TIPRL: variants seen among roughly 807,000 people sequenced by gnomAD.
TIPRL encodes TIP41-like protein.
TIPRL carries 10 observed loss-of-function variants against 32.3 expected under a neutral mutation model. The ratio of observed to expected loss-of-function variants is 0.31; its 90% CI spans 0.19 to 0.52. TIPRL has a LOEUF of 0.52. Among genes scored for constraint, TIPRL ranks in the 20% least tolerant of loss-of-function variants. TIPRL has a pLI of 0.96. For missense variants in TIPRL, 250 were observed against 328.1 expected (o/e 0.76, Z 1.84); for synonymous variants, 100 against 114.0 (o/e 0.88, Z 0.78).
chr1:168,193,956 C>T (rs975114215), intron 4 of TIPRL, among the ~76,000 whole-genome samples: 10 of 152,004 alleles, frequency 6.6e-5, no homozygotes, highest in Non-Finnish European at 1.0e-4. Context: ...ATTGAGTCAC[C>T]GTAAATGTGA....
At chr1:168,191,977 G>C (rs12074510) in intron 4 of TIPRL, among the ~76,000 whole-genome samples, 5,184 of 151,032 alleles carry the variant, frequency 0.034, 294 homozygotes, top group African/African-American at 0.12. Flanking sequence ...CAAAATATTT[G>C]TGTATTCTTA....
At position 168,184,887 on chromosome 1, in the gene TIPRL, T is replaced by C. The variant is rs1572430526; in HGVS notation, c.384+9T>C. ...AATCTCTTAAGTTAAAGGTAAATCT[T>C]ACTTTTTTCTTTCATGAGTCATTGA... On this transcript the variant is annotated intron_variant, in intron 3 of 6. Coordinates refer to ENST00000367833, the MANE Select transcript of TIPRL (RefSeq NM_152902.5). 9 of 1,554,750 alleles carry C rather than the reference T, an allele frequency of 5.8e-6. No homozygotes were observed. The highest frequency in any genetic ancestry group is 2.7e-5 in the African/African-American group (2 of 73,550).
Position 168,179,194 on chromosome 1 carries a change from G to T in TIPRL, c.104+13G>T. 6.2e-7 allele frequency: 1 copy of T among 1,613,210 alleles called. No individual in the cohort carries two copies. On this transcript the variant is annotated intron_variant, in intron 1 of 6. Transcript: ENST00000367833. ...CGGATGTGGAGAAGTGAGGCTTCGG[G>T]GCACGGGGTCTGGGCGCTGGCCGGT...
At chr1:168,179,686 G>A (rs2102303336) in intron 1 of TIPRL, among the ~76,000 whole-genome samples, 1 of 151,564 alleles carries the variant, frequency 6.6e-6, no homozygotes, top group Middle Eastern at 3.4e-3. Context: ...TATACACGGA[G>A]TGATGTGAGG....
intron 1 of TIPRL, among the ~76,000 whole-genome samples, chr1:168,182,266 C>G (rs1400689422): frequency 2.6e-5 from 4 of 152,092 alleles, no homozygotes; most frequent in South Asian, 2.1e-4. Flanking sequence ...ACAGGAGCTT[C>G]CTGTCTTCTC....
chr1:168,196,984 G>T (rs531566738), intron 5 of TIPRL, among the ~76,000 whole-genome samples: 27 of 152,288 alleles, frequency 1.8e-4, no homozygotes, highest in Non-Finnish European at 2.6e-4. Context: ...GTAATGTCCT[G>T]ATGTACATTA....
intron 2 of TIPRL, 88 bp downstream of exon 2, chr1:168,184,169 C>T (rs999865051): frequency 2.1e-5 from 25 of 1,175,250 alleles, no homozygotes; most frequent in African/African-American, 1.1e-4. Context: ...AGTAATGATA[C>T]GTGTGTGTTG....
At position 168,179,118 on chromosome 1, in the gene TIPRL, G is replaced by T. The variant is rs768711827; in HGVS notation, c.41G>T (p.Cys14Phe). 30 of 1,613,922 alleles carry T rather than the reference G, an allele frequency of 1.9e-5. No homozygotes were observed. The highest frequency in any genetic ancestry group is 2.5e-5 in the Non-Finnish European group (30 of 1,179,968). The change falls in exon 1 of 7, where the codon TGC (cysteine) becomes TTC (phenylalanine). Residue 14 changes from cysteine to phenylalanine, a missense_variant. Coordinates refer to ENST00000367833, the MANE Select transcript of TIPRL (RefSeq NM_152902.5). ...TTCCAGAGCAGCCACCGGGATTTCT[G>T]CTTCGGGCCCTGGAAGCTGACGGCG... ...HGFQSSHRDFCFGPWKLTASK... is the reference protein window; with the variant it reads ...HGFQSSHRDFFFGPWKLTASK...
chr1:168,185,115 G>A (rs985664911), intron 3 of TIPRL, among the ~76,000 whole-genome samples: 3 of 152,286 alleles, frequency 2.0e-5, no homozygotes, highest in Non-Finnish European at 2.9e-5. Flanking sequence ...AACGGCAGAC[G>A]GCCTTGTTGT....
Position 168,191,423 on chromosome 1 carries a change from A to AT in TIPRL, c.441dup (p.Lys148Ter). Reference sequence around the variant, plus strand: ...AGAAAAATTGAAAGCCAGAGAACAGATTAAGTTTTTTGAAGAAGTTCTCCT... The same window carrying AT: ...AGAAAAATTGAAAGCCAGAGAACAGATTTAAGTTTTTTGAAGAAGTTCTCCT... On this transcript the variant is annotated frameshift_variant, in exon 4 of 7. Transcript: ENST00000367833. LOFTEE classifies it high-confidence loss of function. 6.5e-7 allele frequency: 1 copy of AT among 1,532,624 alleles called. No homozygotes were observed. Among genetic ancestry groups the AT allele is most frequent in the Non-Finnish European group, 8.7e-7 (1 of 1,150,330 alleles). 94.9% of individuals were successfully genotyped at this position (1,532,624 alleles called of 1,614,324 possible).
chr1:168,184,723 C>A, intron 2 of TIPRL, 56 bp from the exon 3 acceptor site: 1 of 1,033,242 alleles, frequency 9.7e-7, no homozygotes, highest in Non-Finnish European at 1.5e-6. Context: ...TATATAAATA[C>A]AGATAATCTC....
intron 1 of TIPRL, 39 bp from the exon 2 acceptor site, chr1:168,183,863 G>A (rs949462463): frequency 1.6e-5 from 25 of 1,582,960 alleles, no homozygotes; most frequent in East Asian, 4.5e-5. Context: ...TGCCAACAGC[G>A]ATATAAAATT....
In TIPRL at chr1:168,179,058, C is replaced by T; in HGVS notation, c.-20C>T. On this transcript the variant is annotated 5_prime_UTR_variant, in exon 1 of 7. Coordinates refer to ENST00000367833, the MANE Select transcript of TIPRL (RefSeq NM_152902.5). Reference sequence around the variant, plus strand: ...TGCTTCAGCTTATTCCTTGTGGCCTCTGCGGGTCCTGCCTCAGCCATGATG... The same window carrying T: ...TGCTTCAGCTTATTCCTTGTGGCCTTTGCGGGTCCTGCCTCAGCCATGATG... 6.2e-7 allele frequency: 1 copy of T among 1,611,150 alleles called. No individual in the cohort carries two copies. Among genetic ancestry groups the T allele is most frequent in the Non-Finnish European group, 8.5e-7 (1 of 1,177,890 alleles).
At chr1:168,180,294 C>T (rs1699944136) in intron 1 of TIPRL, among the ~76,000 whole-genome samples, 1 of 152,042 alleles carries the variant, frequency 6.6e-6, no homozygotes, top group Non-Finnish European at 1.5e-5. Flanking sequence ...TTGCATGTAT[C>T]GTATGCCTTT....
chr1:168,185,608 T>TA (rs3215454), intron 3 of TIPRL, among the ~76,000 whole-genome samples: 13 of 145,976 alleles, frequency 8.9e-5, no homozygotes, highest in Non-Finnish European at 9.1e-5. Flanking sequence ...CCTTGTCTAT[T>TA]AAAAAAAAAA....
intron 1 of TIPRL, 113 bp from the exon 2 acceptor site, chr1:168,183,789 C>A (rs1699995102): frequency 1.9e-6 from 2 of 1,072,052 alleles, no homozygotes; most frequent in Admixed American, 4.4e-5. Context: ...TTGATTAAAT[C>A]ATGTGCTGTG....
Position 168,179,151 on chromosome 1 carries a change from C to T in TIPRL, c.74C>T (p.Thr25Ile). ...FGPWKLTASKTHIMKSADVEK... is the reference protein window; with the variant it reads ...FGPWKLTASKIHIMKSADVEK... ...CCCTGGAAGCTGACGGCGTCCAAGA[C>T]CCACATCATGAAGTCGGCGGATGTG... is the stretch of plus-strand genomic sequence containing the variant. The change falls in exon 1 of 7, where the codon ACC (threonine) becomes ATC (isoleucine). Residue 25 changes from threonine (T) to isoleucine (I), a missense_variant. Physicochemically the swap from Thr to Ile is moderately conservative, Grantham distance 89 (BLOSUM62 -1). Transcript: ENST00000367833. 6.2e-7 allele frequency: 1 copy of T among 1,614,030 alleles called. No homozygotes were observed. Among genetic ancestry groups the T allele is most frequent in the Non-Finnish European group, 8.5e-7 (1 of 1,179,944 alleles).
In TIPRL at chr1:168,194,529, A is replaced by G. The variant is rs144105678; in HGVS notation, c.517-2018A>G. ...GTGACTGTTGGTAACTAATTTTGAA[A>G]TTTGAAGAAATGTTGCAAGTCAGTT... On this transcript the variant is annotated intron_variant, in intron 4 of 6. Transcript: ENST00000367833. 1.8e-4 allele frequency among the ~76,000 whole-genome samples: 28 copies of G among 152,332 alleles called. No individual in the cohort carries two copies. In the East Asian group the frequency reaches 3.7e-3, roughly 20 times the overall value.
chr1:168,183,881 C>A, intron 1 of TIPRL, 21 bp from the exon 2 acceptor site: 1 of 1,593,012 alleles, frequency 6.3e-7, no homozygotes, highest in Non-Finnish European at 8.6e-7. Flanking sequence ...ATTATCTCAC[C>A]CGACTTTTGG....
Sources: allele counts gnomAD v4.1 joint callset (sites outside exome capture counted in the v4.1 genomes callset), GRCh38; gene constraint gnomAD v4.1.1; transcripts MANE v1.5; gene names NCBI Gene and HGNC (gene_info 2026-07-23, HGNC 2026-07-21).